The following ZNF732 variants were observed in gnomAD, a reference collection of about 807,000 sequenced individuals.
ZNF732 encodes the protein zinc finger protein 732, also known as zinc finger protein LOC654254.
ZNF732 carries 12 observed loss-of-function variants against 11.5 expected under a neutral mutation model. That is an observed-to-expected ratio of 1.05 (90% CI 0.67 to 1.70). The LOEUF (loss-of-function observed/expected upper bound fraction) is 1.70. ZNF732 is among the 40% of genes most tolerant of loss of function. The probability of loss-of-function intolerance (pLI) is 0.00; values close to 1 mark genes in which losing one functional copy is unlikely to be tolerated. For synonymous variants in ZNF732, 231 were observed against 236.5 expected (o/e 0.98, Z 0.21); for missense variants, 702 against 676.9 (o/e 1.04, Z -0.41).
In ZNF732 at chr4:271,281, C is replaced by T; in HGVS notation, c.1576G>A (p.Gly526Arg). The change falls in exon 4 of 4, where the codon GGA becomes AGA. Residue 526 changes from glycine (G) to arginine (R), a missense_variant. This residue lies in a region of ZNF732 where 94 missense variants were observed against 87.5 expected (regional missense o/e 1.07). Coordinates refer to ENST00000419098, the MANE Select transcript of ZNF732 (RefSeq NM_001137608.3). ...YLSKHKKIHTGEKPYRCEECG... is the reference protein window; with the variant it reads ...YLSKHKKIHTREKPYRCEECG... ...TCTTCACATCTATAAGGTTTCTCTC[C>T]AGTATGAATTTTCTTATGTTTACTC... The T allele has an allele frequency of 6.3e-7, 1 of 1,587,102 alleles. No individual in the cohort carries two copies. Among genetic ancestry groups the T allele is most frequent in the Non-Finnish European group, 8.6e-7 (1 of 1,165,714 alleles).
Position 272,128 on chromosome 4 carries a change from A to G in ZNF732, c.729T>C (p.Val243=). The change falls in exon 4 of 4, where the codon GTT becomes GTC. Residue 243 remains valine (V), a synonymous_variant. Coordinates refer to ENST00000419098, the MANE Select transcript of ZNF732 (RefSeq NM_001137608.3). ...TTSSNFAKHK[V]HTGEKSYKYE... ...ATTTGTAAGATTTCTCTCCAGTATG[A>G]ACTTTATGTTTAGCAAAGTTTGAGG... 6.2e-7 allele frequency: 1 copy of G among 1,612,348 alleles called. No homozygotes were observed. Among genetic ancestry groups the G allele is most frequent in the Non-Finnish European group, 8.5e-7 (1 of 1,179,372 alleles).
chr4:302,696 C>T (rs959910835), intron 1 of ZNF732, among the ~76,000 whole-genome samples: 5 of 152,110 alleles, frequency 3.3e-5, no homozygotes, highest in Non-Finnish European at 7.4e-5. Context: ...TCAAAAAAGA[C>T]AAATGACTTA....
intron 3 of ZNF732, among the ~76,000 whole-genome samples, chr4:284,333 AAAG>A (rs1225316628): frequency 3.9e-5 from 6 of 152,222 alleles, no homozygotes; most frequent in Admixed American, 2.0e-4. Flanking sequence ...CTGATGAGTC[AAAG>A]AAGAAAAAGA....
intron 3 of ZNF732, among the ~76,000 whole-genome samples, chr4:287,671 C>G (rs1252318896): frequency 4.0e-5 from 6 of 150,968 alleles, no homozygotes; most frequent in African/African-American, 1.5e-4. Context: ...GAGATGGAGT[C>G]TCGCTCTGTC....
At chr4:300,448 C>T (rs1720091115) in intron 1 of ZNF732, among the ~76,000 whole-genome samples, 2 of 118,718 alleles carry the variant, frequency 1.7e-5, no homozygotes, top group African/African-American at 6.9e-5. Context: ...GAATGAGACT[C>T]TGTCTCAAAA....
At chr4:281,292 T>A (rs1378061229) in intron 3 of ZNF732, among the ~76,000 whole-genome samples, 1 of 152,214 alleles carries the variant, frequency 6.6e-6, no homozygotes, top group Non-Finnish European at 1.5e-5. Context: ...TGGTCTCAGC[T>A]GTGTATCCTG....
intron 3 of ZNF732, among the ~76,000 whole-genome samples, chr4:274,844 C>G: frequency 6.6e-6 from 1 of 151,636 alleles, no homozygotes; most frequent in East Asian, 1.9e-4. Context: ...GAACTAATGA[C>G]AAACATGTCT....
intron 3 of ZNF732, among the ~76,000 whole-genome samples, chr4:293,290 ATATATATATGTGTGTGTGTG>A (rs1719883022): frequency 6.8e-6 from 1 of 146,774 alleles, no homozygotes; most frequent in Admixed American, 6.9e-5. Context: ...GTGTATATAT[ATATATATATGTGTGTGTGTG>A]TATATATATA....
intron 1 of ZNF732, among the ~76,000 whole-genome samples, chr4:298,588 C>T (rs1720011994): frequency 6.6e-6 from 1 of 152,154 alleles, no homozygotes. Context: ...CCGCAGATGT[C>T]TCAAATACAG....
chr4:272,752 A>G (rs982041109), intron 3 of ZNF732, 122 bp from the exon 4 acceptor site: 35 of 961,548 alleles, frequency 3.6e-5, no homozygotes, highest in Non-Finnish European at 5.0e-5. Context: ...ACCACAGGCC[A>G]TAATTTCTTC....
rs1350713967 is a variant in ZNF732, at chr4:299,489, A to G, written c.4-3334T>C. 1.6e-3 allele frequency among the ~76,000 whole-genome samples: 152 copies of G among 94,304 alleles called. 1 individual carries two copies. Among genetic ancestry groups the G allele is most frequent in the Non-Finnish European group, 2.2e-3 (107 of 48,988 alleles). The allele number at this position is 94,304 out of a possible 152,430, so 61.9% of individuals were successfully genotyped here. ...TATATATATACACATATATACACATATGTGTGTATATATACACACATATAC... is the reference window on the plus strand; with the variant it reads ...TATATATATACACATATATACACATGTGTGTGTATATATACACACATATAC... On this transcript the variant is annotated intron_variant, in intron 1 of 3. Coordinates refer to ENST00000419098, the MANE Select transcript of ZNF732 (RefSeq NM_001137608.3).
At chr4:299,329 A>G (rs1720028801) in intron 1 of ZNF732, among the ~76,000 whole-genome samples, 1 of 145,810 alleles carries the variant, frequency 6.9e-6, no homozygotes, top group African/African-American at 2.5e-5. Flanking sequence ...CGCTCCAATT[A>G]GAAGCAGTTA....
chr4:282,540 A>C (rs1422186411), intron 3 of ZNF732, among the ~76,000 whole-genome samples: 2 of 152,158 alleles, frequency 1.3e-5, no homozygotes, highest in African/African-American at 2.4e-5. Context: ...TCTACAAAAA[A>C]TACCAAAAAA....
Position 271,712 on chromosome 4 carries a change from C to T in ZNF732, c.1145G>A (p.Ser382Asn), listed in dbSNP as rs781971411. 5 of 1,612,000 alleles carry T rather than the reference C, an allele frequency of 3.1e-6. No homozygotes were observed. The highest frequency in any genetic ancestry group is 4.2e-6 in the Non-Finnish European group (5 of 1,179,034). ...RQSATLNKHK[S>N]IHTGEKPYTC... is the part of the protein sequence containing the mutation. ...GTAGGGTTTCTCTCCAGTATGAATA[C>T]TCTTATGTTTATTAAGGGTTGCGGA... Residue 382 changes from serine (S) to asparagine (N), a missense_variant, in exon 4 of 4, where the codon AGT (serine) becomes AAT (asparagine). This residue lies in a region of ZNF732 where 596 missense variants were observed against 557.9 expected (regional missense o/e 1.07). Coordinates refer to ENST00000419098, the MANE Select transcript of ZNF732 (RefSeq NM_001137608.3).
intron 3 of ZNF732, among the ~76,000 whole-genome samples, chr4:274,149 C>A (rs1258679026): frequency 3.3e-5 from 5 of 151,574 alleles, no homozygotes; most frequent in African/African-American, 9.7e-5. Flanking sequence ...TGTAATTATT[C>A]TCTAAAATTT....
chr4:295,287 G>A, intron 3 of ZNF732, 151 bp downstream of exon 3: 1 of 595,758 alleles, frequency 1.7e-6, no homozygotes, highest in Non-Finnish European at 3.0e-6. Context: ...GACAGAAGAT[G>A]CCCCTATTCA....
intron 3 of ZNF732, among the ~76,000 whole-genome samples, chr4:280,704 A>G (rs111711081): frequency 2.0e-4 from 31 of 152,236 alleles, no homozygotes; most frequent in Non-Finnish European, 4.1e-4. Context: ...CCCTTGCTTG[A>G]GTGGCATGCT....
chr4:304,979 T>C (rs1385791786), intron 1 of ZNF732, among the ~76,000 whole-genome samples: 17 of 152,084 alleles, frequency 1.1e-4, no homozygotes, highest in Admixed American at 1.0e-3. Flanking sequence ...CAGGGTAAAG[T>C]AGGGACTCGA....
chr4:305,189 A>C, intron 1 of ZNF732, 119 bp downstream of exon 1: 1 of 1,387,274 alleles, frequency 7.2e-7, no homozygotes, highest in South Asian at 1.4e-5. Context: ...GGGACCAAGG[A>C]CTGAGGGCTG....
Sources: gnomAD v4.1 joint callset for allele counts (sites outside exome capture counted in the v4.1 genomes callset) on GRCh38, gnomAD v4.1.1 for gene constraint, gnomAD v4.1.1 regional missense constraint, MANE v1.5 for transcripts, NCBI Gene and HGNC (gene_info 2026-07-23, HGNC 2026-07-21) for gene names.